Variants in ROR1 observed in about 807,000 individuals in gnomAD.
ROR1 encodes inactive tyrosine-protein kinase transmembrane receptor ROR1.
Under a neutral mutation model 78.8 loss-of-function variants are expected in ROR1, and 19 were observed. The ratio of observed to expected loss-of-function variants is 0.24; its 90% CI spans 0.17 to 0.35. ROR1 has a LOEUF of 0.35. ROR1 is among the 10% of genes least tolerant of loss of function. The pLI is 1.00. For missense variants in ROR1, 917 were observed against 1,177.8 expected, an observed-to-expected ratio of 0.78 and a Z score of 3.24; for synonymous variants, 386 against 433.6, an observed-to-expected ratio of 0.89 and a Z score of 1.36.
chr1:64,061,638 G>A (rs1375365101), intron 4 of ROR1, among the ~76,000 whole-genome samples: 7 of 152,200 alleles, frequency 4.6e-5, no homozygotes, highest in Non-Finnish European at 8.8e-5. Context: ...CACACACTTA[G>A]AGAAGCAGGG....
At position 64,124,746 on chromosome 1, in the gene ROR1, T is replaced by G. The variant is rs185322987; in HGVS notation, c.483-12623T>G. Among the ~76,000 whole-genome samples the G allele has an allele frequency of 3.3e-3, 509 of 152,322 alleles. 5 individuals are homozygous for G. The highest frequency in any genetic ancestry group is 0.02 in the South Asian group (96 of 4,828). On this transcript the variant is annotated intron_variant, in intron 4 of 8. Transcript: ENST00000371079. ...CTGCCAGGGGTGGGAAGGGGTTCTT[T>G]CCTTCTGCATCCCAAGTGCTGGATG... is the stretch of plus-strand genomic sequence containing the variant.
intron 1 of ROR1, among the ~76,000 whole-genome samples, chr1:63,926,855 A>AT (rs1377805835): frequency 1.0e-5 from 1 of 99,626 alleles, no homozygotes. Context: ...TTGTACATTG[A>AT]TTTTGTATCC....
At chr1:63,825,663 T>C (rs1434130853) in intron 1 of ROR1, among the ~76,000 whole-genome samples, 1 of 152,254 alleles carries the variant, frequency 6.6e-6, no homozygotes, top group Non-Finnish European at 1.5e-5. Flanking sequence ...GAATGTTATG[T>C]GAATTATACC....
chr1:64,095,096 A>G (rs1444916525), intron 4 of ROR1: 1 of 152,162 alleles, frequency 6.6e-6, no homozygotes, highest in East Asian at 1.9e-4. Context: ...CTTTGTTTAT[A>G]CTGAAACAAG....
intron 7 of ROR1, among the ~76,000 whole-genome samples, chr1:64,152,293 T>C (rs1229968299): frequency 6.6e-6 from 1 of 152,222 alleles, no homozygotes; most frequent in Non-Finnish European, 1.5e-5. Flanking sequence ...CTCCTACATT[T>C]CCTTCCCCAT....
At chr1:63,876,671 TGTGTGTGTGTGC>T (rs376338066) in intron 1 of ROR1, among the ~76,000 whole-genome samples, 2,123 of 123,128 alleles carry the variant, frequency 0.017, 52 homozygotes, top group African/African-American at 0.077. Flanking sequence ...TGTGTGTGTG[TGTGTGTGTGTGC>T]GCGTGTGTGT....
chr1:64,173,472 G>A (rs1229937049), intron 8 of ROR1, among the ~76,000 whole-genome samples: 1 of 152,182 alleles, frequency 6.6e-6, no homozygotes, highest in African/African-American at 2.4e-5. Flanking sequence ...AGGCCTCTCA[G>A]GCTGAGCCTC....
intron 1 of ROR1, among the ~76,000 whole-genome samples, chr1:63,846,887 C>A (rs1569810713): frequency 6.6e-6 from 1 of 152,346 alleles, no homozygotes; most frequent in East Asian, 1.9e-4. Flanking sequence ...AAGGACTCTA[C>A]TGACCACAGG....
At chr1:63,804,890 A>G (rs1644818856) in intron 1 of ROR1, among the ~76,000 whole-genome samples, 1 of 152,174 alleles carries the variant, frequency 6.6e-6, no homozygotes, top group African/African-American at 2.4e-5. Flanking sequence ...CTGAGGTGCC[A>G]TTGGGCTGTT....
At chr1:63,979,294 A>G (rs1440235989) in intron 1 of ROR1, among the ~76,000 whole-genome samples, 1 of 152,170 alleles carries the variant, frequency 6.6e-6, no homozygotes, top group Non-Finnish European at 1.5e-5. Context: ...CAAAGAAGAA[A>G]GAGATGGTAT....
chr1:63,774,527 C>T lies in ROR1; in HGVS notation c.91+19C>T, dbSNP rs1038422541. The T allele has an allele frequency of 5.5e-6, 6 of 1,087,600 alleles. No individual in the cohort carries two copies. In the African/African-American group the frequency reaches 6.7e-5, roughly 12 times the overall value. 67.4% of individuals were successfully genotyped at this position (1,087,600 alleles called of 1,614,324 possible). ...GCCCAAGGTAAGAGGCGCCCGCCGG[C>T]CCCCGCCCGCCCAGACCCCCTGACC... On this transcript the variant is annotated intron_variant, in intron 1 of 8. Transcript: ENST00000371079. This position sits in a 1 kb window ranked among gnomAD's most constrained non-coding sequence, Gnocchi z 5.7.
intron 1 of ROR1, among the ~76,000 whole-genome samples, chr1:63,980,914 G>T (rs1165231156): frequency 6.6e-6 from 1 of 152,238 alleles, no homozygotes; most frequent in African/African-American, 2.4e-5. Flanking sequence ...TAAGTTTTCA[G>T]GAGACAGCAC....
chr1:64,063,703 G>A (rs1192407870), intron 4 of ROR1, among the ~76,000 whole-genome samples: 1 of 151,772 alleles, frequency 6.6e-6, no homozygotes, highest in Admixed American at 6.6e-5. Context: ...AGCAACAACA[G>A]CTGGGTTCTC....
intron 1 of ROR1, among the ~76,000 whole-genome samples, chr1:63,938,860 T>A (rs1462075010): frequency 6.6e-6 from 1 of 151,932 alleles, no homozygotes; most frequent in Non-Finnish European, 1.5e-5. Context: ...CAAATAGGTG[T>A]GGTGGCACAT....
intron 2 of ROR1, among the ~76,000 whole-genome samples, chr1:64,038,029 C>T (rs1330677213): frequency 6.6e-6 from 1 of 152,136 alleles, no homozygotes; most frequent in Non-Finnish European, 1.5e-5. Context: ...CAGCCCTTTC[C>T]TTACCTCTTT....
At chr1:64,156,577 C>T (rs537929692) in intron 7 of ROR1, among the ~76,000 whole-genome samples, 142 of 152,008 alleles carry the variant, frequency 9.3e-4, no homozygotes, top group African/African-American at 3.1e-3. Flanking sequence ...CGTGGTGGCA[C>T]GTGCCTGTAG....
chr1:64,026,947 A>T (rs1435022576), intron 2 of ROR1, among the ~76,000 whole-genome samples: 1 of 152,228 alleles, frequency 6.6e-6, no homozygotes, highest in Non-Finnish European at 1.5e-5. Flanking sequence ...TACTTTGAAA[A>T]GAAGCAAGAA....
intron 4 of ROR1, among the ~76,000 whole-genome samples, chr1:64,108,665 A>G (rs1281381779): frequency 6.6e-6 from 1 of 152,120 alleles, no homozygotes; most frequent in African/African-American, 2.4e-5. Flanking sequence ...ACACACACAC[A>G]CACCAATACA....
At chr1:63,915,111 A>G (rs1223509618) in intron 1 of ROR1, among the ~76,000 whole-genome samples, 1 of 152,228 alleles carries the variant, frequency 6.6e-6, no homozygotes, top group Non-Finnish European at 1.5e-5. Context: ...TCTTTTAAAC[A>G]TACAAAAACT....
Sources: gnomAD v4.1 joint callset for allele counts (sites outside exome capture counted in the v4.1 genomes callset) on GRCh38, gnomAD v4.1.1 for gene constraint, Gnocchi (gnomAD v3.1) non-coding constraint, MANE v1.5 for transcripts, NCBI Gene and HGNC (gene_info 2026-07-23, HGNC 2026-07-21) for gene names.